Variants in PTPRM observed in about 807,000 individuals in gnomAD.
The protein encoded by PTPRM is protein tyrosine phosphatase receptor type M, also known as receptor-type tyrosine-protein phosphatase mu.
A neutral mutation model predicts 186.7 loss-of-function variants in PTPRM; 47 were observed. That is an observed-to-expected ratio of 0.25 (90% CI 0.20 to 0.32). The LOEUF (loss-of-function observed/expected upper bound fraction) is 0.32, where lower values mean the gene tolerates loss of function less well. Ranked by LOEUF, PTPRM falls within the 10% of genes least tolerant of loss-of-function variation. The pLI is 1.00. For missense variants in PTPRM, 1,494 were observed against 1,865.0 expected (o/e 0.80, Z 3.66); for synonymous variants, 668 against 674.9 (o/e 0.99, Z 0.16).
At chr18:7,848,872 T>C (rs1323454037) in intron 2 of PTPRM, among the ~76,000 whole-genome samples, 1 of 152,174 alleles carries the variant, frequency 6.6e-6, no homozygotes, top group Non-Finnish European at 1.5e-5. Context: ...AAATTTTCAT[T>C]TAAAATGTTG....
chr18:8,379,465 C>A, intron 28 of PTPRM, 125 bp downstream of exon 28: 3 of 1,043,654 alleles, frequency 2.9e-6, no homozygotes, highest in Non-Finnish European at 3.9e-6. Flanking sequence ...CTTTTTTTTC[C>A]AACAAAAAAT....
intron 2 of PTPRM, among the ~76,000 whole-genome samples, chr18:7,820,658 G>T (rs559671100): frequency 7.2e-5 from 11 of 152,184 alleles, no homozygotes; most frequent in Non-Finnish European, 8.8e-5. Context: ...GTTCAGAAAT[G>T]TTTCCCTGGA....
intron 7 of PTPRM, among the ~76,000 whole-genome samples, chr18:7,975,972 C>T (rs2054905047): frequency 1.3e-5 from 2 of 152,142 alleles, no homozygotes. Flanking sequence ...TGTTCAAGAC[C>T]AGCCTGACCA....
chr18:8,313,210 A>G (rs1049074183), intron 20 of PTPRM, among the ~76,000 whole-genome samples: 10 of 152,236 alleles, frequency 6.6e-5, no homozygotes, highest in Admixed American at 4.6e-4. Flanking sequence ...AGGCAGTAGC[A>G]GTTTAGAAGC....
chr18:8,117,370 G>T (rs911949757), intron 13 of PTPRM, among the ~76,000 whole-genome samples: 2 of 152,154 alleles, frequency 1.3e-5, no homozygotes, highest in African/African-American at 4.8e-5. Context: ...AATGTACAAA[G>T]ATTTCAATGT....
chr18:7,856,743 C>A (rs372206626), intron 2 of PTPRM, among the ~76,000 whole-genome samples: 146 of 140,534 alleles, frequency 1.0e-3, no homozygotes, highest in East Asian at 1.7e-3. Context: ...GACCCTGTCT[C>A]AAAAAAAAAA....
intron 17 of PTPRM, among the ~76,000 whole-genome samples, chr18:8,249,858 C>G (rs898974002): frequency 2.0e-5 from 3 of 152,098 alleles, no homozygotes; most frequent in African/African-American, 7.2e-5. Context: ...ATAAGTCACC[C>G]AGATAGACCA....
At chr18:7,625,703 T>G (rs2038044227) in intron 1 of PTPRM, among the ~76,000 whole-genome samples, 1 of 138,812 alleles carries the variant, frequency 7.2e-6, no homozygotes, top group Non-Finnish European at 1.6e-5. Flanking sequence ...CCCGGTTAAT[T>G]TTTGTATTTT....
intron 1 of PTPRM, among the ~76,000 whole-genome samples, chr18:7,570,487 T>C (rs1482712562): frequency 6.6e-6 from 1 of 152,236 alleles, no homozygotes; most frequent in Non-Finnish European, 1.5e-5. Context: ...TCACAGGCAT[T>C]ATTACTATTT....
chr18:8,032,855 A>AGGGG (rs1246734064), intron 7 of PTPRM, among the ~76,000 whole-genome samples: 1 of 152,156 alleles, frequency 6.6e-6, no homozygotes, highest in African/African-American at 2.4e-5. Flanking sequence ...AAAAAAATAC[A>AGGGG]GTTAGATTAA....
chr18:7,939,805 A>T (rs1323512825), intron 5 of PTPRM, among the ~76,000 whole-genome samples: 1 of 152,188 alleles, frequency 6.6e-6, no homozygotes, highest in Non-Finnish European at 1.5e-5. Flanking sequence ...CCCATCCTTC[A>T]TCATTTTTTA....
intron 2 of PTPRM, among the ~76,000 whole-genome samples, chr18:7,789,772 G>A (rs558774389): frequency 5.3e-5 from 8 of 152,192 alleles, no homozygotes; most frequent in African/African-American, 7.2e-5. Context: ...CTGAGAGACC[G>A]CTTATCTTCA....
In PTPRM at chr18:7,593,978, G is replaced by A. The variant is rs541005617; in HGVS notation, c.73+26087G>A. On this transcript the variant is annotated intron_variant, in intron 1 of 32. Coordinates refer to ENST00000580170, the MANE Select transcript of PTPRM (RefSeq NM_001105244.2). ...TTTGAACCCAGAACTTCTTAGGTCC[G>A]ATGTAATATTATTTTCTCTAAATGG... 2.0e-5 allele frequency among the ~76,000 whole-genome samples: 3 copies of A among 152,168 alleles called. No individual in the cohort carries two copies. In the South Asian group the frequency reaches 6.2e-4, roughly 32 times the overall value.
chr18:7,885,513 C>G (rs1020980333), intron 2 of PTPRM, among the ~76,000 whole-genome samples: 1 of 152,166 alleles, frequency 6.6e-6, no homozygotes, highest in Non-Finnish European at 1.5e-5. Context: ...CACTTCACAA[C>G]ATGAATGTCC....
At chr18:7,984,740 T>G (rs866564301) in intron 7 of PTPRM, among the ~76,000 whole-genome samples, 4 of 137,588 alleles carry the variant, frequency 2.9e-5, no homozygotes, top group African/African-American at 1.1e-4. Flanking sequence ...AATATATACA[T>G]ATAAAATTAT....
chr18:8,405,834 T>G (rs781477374), intron 32 of PTPRM, among the ~76,000 whole-genome samples: 3 of 152,202 alleles, frequency 2.0e-5, no homozygotes, highest in Non-Finnish European at 4.4e-5. Context: ...GGAAAATACA[T>G]GTGTGGACAA....
At chr18:7,833,393 T>C (rs1051291205) in intron 2 of PTPRM, among the ~76,000 whole-genome samples, 1 of 152,158 alleles carries the variant, frequency 6.6e-6, no homozygotes, top group Non-Finnish European at 1.5e-5. Flanking sequence ...ATGGGGTTAC[T>C]TTTTTATTTC....
chr18:8,096,951 G>A (rs918378988), intron 11 of PTPRM, among the ~76,000 whole-genome samples: 1 of 152,288 alleles, frequency 6.6e-6, no homozygotes, highest in Non-Finnish European at 1.5e-5. Context: ...AACTGAGGAC[G>A]ACCAACTCAG....
At chr18:7,637,052 C>T (rs1223812842) in intron 1 of PTPRM, among the ~76,000 whole-genome samples, 1 of 151,414 alleles carries the variant, frequency 6.6e-6, no homozygotes, top group Non-Finnish European at 1.5e-5. Context: ...TCTGTAATCC[C>T]AGCTACTTGG....
Sources: gnomAD v4.1 joint callset for allele counts (sites outside exome capture counted in the v4.1 genomes callset) on GRCh38, gnomAD v4.1.1 for gene constraint, MANE v1.5 for transcripts, NCBI Gene and HGNC (gene_info 2026-07-23, HGNC 2026-07-21) for gene names.